Variants in HOXD3 observed in about 807,000 individuals in gnomAD.
The protein encoded by HOXD3 is homeobox protein Hox-D3.
A neutral mutation model predicts 32.8 loss-of-function variants in HOXD3; 13 were observed. That is an observed-to-expected ratio of 0.40 (90% CI 0.26 to 0.63). HOXD3 has a LOEUF of 0.63. HOXD3 is among the 20% of genes least tolerant of loss of function. HOXD3 has a pLI of 0.44. For synonymous variants in HOXD3, 241 were observed against 246.8 expected, an observed-to-expected ratio of 0.98 and a Z score of 0.22; for missense variants, 504 against 577.1, an observed-to-expected ratio of 0.87 and a Z score of 1.30.
chr2:176,155,541 C>T (rs1011137994), upstream of HOXD3, among the ~76,000 whole-genome samples: 1 of 152,096 alleles, frequency 6.6e-6, no homozygotes, highest in African/African-American at 2.4e-5. Flanking sequence ...CCTGGATGGC[C>T]CAGAGTGCAG....
rs559954769 is a variant in HOXD3, at chr2:176,170,702, G to T, written c.542-815G>T. ...ATCCTGCCTGCAACCTCCTTTTCCT[G>T]CCCCTCCTTCCTCAGCTGCAGGCTC... On this transcript the variant is annotated intron_variant, in intron 3 of 3. Coordinates refer to ENST00000683222, the MANE Select transcript of HOXD3 (RefSeq NM_006898.5). 5.3e-5 allele frequency among the ~76,000 whole-genome samples: 8 copies of T among 152,170 alleles called. No individual in the cohort carries two copies. In the East Asian group the frequency reaches 1.6e-3, roughly 30 times the overall value.
At chr2:176,160,232 A>G (rs1187019852) in intron 1 of HOXD3, among the ~76,000 whole-genome samples, 2 of 152,134 alleles carry the variant, frequency 1.3e-5, no homozygotes, top group Non-Finnish European at 2.9e-5. Flanking sequence ...GGGCCCGGGA[A>G]GCTAGGGGTA....
At chr2:176,167,686 CTTTTTTTTTT>C (rs56761217) in intron 2 of HOXD3, among the ~76,000 whole-genome samples, 7,564 of 108,928 alleles carry the variant, frequency 0.069, 531 homozygotes, top group African/African-American at 0.19. Flanking sequence ...GGGGGAGACC[CTTTTTTTTTT>C]TTTTTTTTTT....
intron 3 of HOXD3, 126 bp from the exon 4 acceptor site, chr2:176,171,391 C>G: frequency 1.1e-6 from 1 of 916,172 alleles, no homozygotes; most frequent in Non-Finnish European, 1.6e-6. Context: ...CGGCCCTTCC[C>G]CTCCCCAGCC....
chr2:176,169,055 C>T lies in HOXD3; in HGVS notation c.-60C>T. On this transcript the variant is annotated 5_prime_UTR_variant, in exon 3 of 4. Transcript: ENST00000683222. ...GGTCACCTGGAGCCTGGGGGCCGGC[C>T]CAGCTCTCTCAGGATTCAGCAGACA... 1 of 1,539,976 alleles carries T rather than the reference C, an allele frequency of 6.5e-7. No individual in the cohort carries two copies. Among genetic ancestry groups the T allele is most frequent in the Non-Finnish European group, 8.7e-7 (1 of 1,142,982 alleles).
At chr2:176,152,716 G>T (rs768625570), upstream of HOXD3, 1 of 1,614,218 alleles carries the variant, frequency 6.2e-7, no homozygotes, top group Non-Finnish European at 8.5e-7. This position sits in a 1 kb window ranked among gnomAD's most constrained non-coding sequence, Gnocchi z 5.2. Flanking sequence ...TATCTGACAA[G>T]GCGCCGTCGG....
At chr2:176,159,957 A>G (rs1690745567) in intron 1 of HOXD3, among the ~76,000 whole-genome samples, 1 of 152,202 alleles carries the variant, frequency 6.6e-6, no homozygotes, top group African/African-American at 2.4e-5. Context: ...CTCAGGGATC[A>G]GAGAGGGGAG....
At chr2:176,159,383 G>C (rs1274197760) in intron 1 of HOXD3, among the ~76,000 whole-genome samples, 1 of 152,214 alleles carries the variant, frequency 6.6e-6, no homozygotes, top group Non-Finnish European at 1.5e-5. Context: ...CTCTGGAGTG[G>C]GGATGCGGTG....
At chr2:176,163,990 C>T (rs1174218890) in intron 1 of HOXD3, 83 bp from the exon 2 acceptor site, 1 of 152,190 alleles carries the variant, frequency 6.6e-6, no homozygotes, top group Non-Finnish European at 1.5e-5. Context: ...CTATGACGTC[C>T]TTCAAGTGGG....
At chr2:176,159,040 T>C (rs1292077061) in intron 1 of HOXD3, among the ~76,000 whole-genome samples, 1 of 152,198 alleles carries the variant, frequency 6.6e-6, no homozygotes, top group Non-Finnish European at 1.5e-5. Flanking sequence ...TGCGAGACTG[T>C]TGGGGGCCGG....
intron 3 of HOXD3, among the ~76,000 whole-genome samples, chr2:176,170,570 C>T (rs903776552): frequency 1.3e-5 from 2 of 152,202 alleles, no homozygotes; most frequent in African/African-American, 4.8e-5. Context: ...GGTAGATGAA[C>T]TTGCTTCCAG....
Position 176,171,915 on chromosome 2 carries a change from G to A in HOXD3, c.940G>A (p.Ala314Thr). 1 of 1,609,460 alleles carries A rather than the reference G, an allele frequency of 6.2e-7. No homozygotes were observed. The highest frequency in any genetic ancestry group is 8.5e-7 in the Non-Finnish European group (1 of 1,178,558). Residue 314 changes from alanine to threonine, a missense_variant, in exon 4 of 4, where the codon GCC becomes ACC. By Grantham distance (58) the Ala-to-Thr change is moderately conservative. Transcript: ENST00000683222. ...KSQPNMYGLA[A>T]YTAPLSSCLP... ...ACAGCCCAATATGTACGGCCTGGCCGCCTACACGGCGCCACTCAGCAGCTG... is the reference window on the plus strand; with the variant it reads ...ACAGCCCAATATGTACGGCCTGGCCACCTACACGGCGCCACTCAGCAGCTG...
intron 1 of HOXD3, among the ~76,000 whole-genome samples, chr2:176,158,295 G>A (rs895057422): frequency 1.3e-5 from 2 of 152,208 alleles, no homozygotes; most frequent in African/African-American, 2.4e-5. Flanking sequence ...GCTGCAGAAG[G>A]CTGTTTCTCT....
chr2:176,169,424 G>A lies in HOXD3; in HGVS notation c.310G>A (p.Gly104Ser). The A allele has an allele frequency of 1.9e-6, 3 of 1,613,604 alleles. No homozygotes were observed. Among genetic ancestry groups the A allele is most frequent in the Non-Finnish European group, 1.7e-6 (2 of 1,179,808 alleles). The change falls in exon 3 of 4, where the codon GGC (glycine) becomes AGC (serine). Residue 104 changes from glycine to serine, a missense_variant. By Grantham distance (56) the Gly-to-Ser change is moderately conservative (BLOSUM62 0). This residue lies in a region of HOXD3 where 181 missense variants were observed against 172.2 expected (regional missense o/e 1.05). Transcript: ENST00000683222. ...GTGNSQGGGG[G>S]SQPPGLNSEQ... ...TGGGAACAGCCAGGGTGGGGGTGGT[G>A]GCAGCCAGCCTCCTGGTCTGAACTC...
Position 176,163,747 on chromosome 2 carries a change from G to C in HOXD3, c.-180-326G>C, listed in dbSNP as rs145560067. On this transcript the variant is annotated intron_variant, in intron 1 of 3. Transcript: ENST00000683222. ...GCTTCCGGGATTGGGACCTGGAGGA[G>C]CATTTAGAATTTGGTAGGGGCAGGA... Among the ~76,000 whole-genome samples, 467 of 152,236 alleles carry C rather than the reference G, an allele frequency of 3.1e-3. 9 individuals are homozygous for C. Among genetic ancestry groups the C allele is most frequent in the East Asian group, 0.024 (123 of 5,170 alleles).
chr2:176,168,274 A>C (rs1022678062), intron 2 of HOXD3, among the ~76,000 whole-genome samples: 1 of 149,918 alleles, frequency 6.7e-6, no homozygotes, highest in Non-Finnish European at 1.5e-5. Context: ...AAAAAAAAAA[A>C]AAAAAACTAA....
intron 1 of HOXD3, among the ~76,000 whole-genome samples, chr2:176,159,759 AGCCAG>A (rs147521466): frequency 0.013 from 1,918 of 152,362 alleles, 36 homozygotes; most frequent in African/African-American, 0.043. Flanking sequence ...AGGTTAGCCC[AGCCAG>A]GACTCATTGC....
chr2:176,168,974 A>G, intron 2 of HOXD3, 57 bp from the exon 3 acceptor site: 1 of 1,336,046 alleles, frequency 7.5e-7, no homozygotes, highest in Non-Finnish European at 1.0e-6. Context: ...GTCCTTCTAT[A>G]TTGACTGGTC....
At chr2:176,168,274 A>AAC (rs1691050545) in intron 2 of HOXD3, among the ~76,000 whole-genome samples, 3 of 150,032 alleles carry the variant, frequency 2.0e-5, no homozygotes, top group African/African-American at 7.5e-5. Flanking sequence ...AAAAAAAAAA[A>AAC]AAAAAACTAA....
Sources: allele counts gnomAD v4.1 joint callset (sites outside exome capture counted in the v4.1 genomes callset), GRCh38; gene constraint gnomAD v4.1.1; regional missense constraint gnomAD v4.1.1; non-coding constraint Gnocchi (gnomAD v3.1); transcripts MANE v1.5; gene names NCBI Gene and HGNC (gene_info 2026-07-23, HGNC 2026-07-21).